Variants in CHN1 observed in about 807,000 individuals in gnomAD.
The protein encoded by CHN1 is N-chimaerin.
A neutral mutation model predicts 59.5 loss-of-function variants in CHN1; 37 were observed. That is an observed-to-expected ratio of 0.62 (90% CI 0.48 to 0.82). CHN1 has a LOEUF of 0.82. Among genes scored for constraint, CHN1 ranks in the 40% least tolerant of loss-of-function variants. The pLI is 0.00. For synonymous variants in CHN1, 206 were observed against 200.4 expected (o/e 1.03, Z -0.24); for missense variants, 469 against 571.0 (o/e 0.82, Z 1.82).
intron 1 of CHN1, among the ~76,000 whole-genome samples, chr2:174,988,467 ACT>A (rs1401558893): frequency 6.6e-6 from 1 of 151,996 alleles, no homozygotes; most frequent in African/African-American, 2.4e-5. Flanking sequence ...CAACTTCCCA[ACT>A]CTGTTTCAAT....
At chr2:174,949,888 T>C (rs1340932288) in intron 2 of CHN1, among the ~76,000 whole-genome samples, 2 of 152,176 alleles carry the variant, frequency 1.3e-5, no homozygotes, top group Non-Finnish European at 1.5e-5. Context: ...ATTTCTACTG[T>C]TAAAATGATT....
At chr2:174,838,460 A>C (rs1299755891) in intron 7 of CHN1, among the ~76,000 whole-genome samples, 2 of 152,196 alleles carry the variant, frequency 1.3e-5, no homozygotes, top group Admixed American at 6.5e-5. Context: ...AAAAAGATGA[A>C]GTATGATAGC....
At chr2:174,886,086 T>C (rs1233116769) in intron 5 of CHN1, among the ~76,000 whole-genome samples, 1 of 152,184 alleles carries the variant, frequency 6.6e-6, no homozygotes, top group East Asian at 1.9e-4. Context: ...ATGACAGAAG[T>C]CTACAAAAGC....
intron 1 of CHN1, among the ~76,000 whole-genome samples, chr2:174,985,092 T>C (rs2105454636): frequency 6.6e-6 from 1 of 152,330 alleles, no homozygotes; most frequent in South Asian, 2.1e-4. Flanking sequence ...ATGATGAGGC[T>C]GAGAAAAATC....
At chr2:174,956,771 C>CAA (rs34248216) in intron 1 of CHN1, among the ~76,000 whole-genome samples, 14 of 104,604 alleles carry the variant, frequency 1.3e-4, no homozygotes, top group Admixed American at 1.2e-3. Flanking sequence ...GACTCCATCT[C>CAA]AAAAAAAAAA....
intron 3 of CHN1, among the ~76,000 whole-genome samples, chr2:174,939,877 T>A (rs1558990160): frequency 6.6e-6 from 1 of 151,874 alleles, no homozygotes; most frequent in Admixed American, 6.6e-5. Context: ...GACAATCCCA[T>A]GAAACTCCTG....
intron 5 of CHN1, among the ~76,000 whole-genome samples, chr2:174,878,688 T>G (rs962256982): frequency 2.6e-5 from 4 of 152,264 alleles, no homozygotes; most frequent in Non-Finnish European, 4.4e-5. Flanking sequence ...ACACTTTCGC[T>G]ACTTCTGGCC....
intron 12 of CHN1, among the ~76,000 whole-genome samples, chr2:174,800,979 T>A (rs567249645): frequency 3.3e-5 from 5 of 152,222 alleles, no homozygotes; most frequent in Non-Finnish European, 5.9e-5. Flanking sequence ...GACTAAAATA[T>A]CATTTTTATA....
At chr2:174,846,778 A>AGTC in intron 7 of CHN1, 102 bp downstream of exon 7, 1 of 1,144,504 alleles carries the variant, frequency 8.7e-7, no homozygotes, top group South Asian at 1.8e-5. Flanking sequence ...AGAACATTTT[A>AGTC]GTCAAGTCAT....
intron 8 of CHN1, among the ~76,000 whole-genome samples, chr2:174,817,637 T>C (rs995076509): frequency 2.0e-5 from 3 of 149,402 alleles, no homozygotes; most frequent in African/African-American, 7.4e-5. Context: ...GATTTTTTTT[T>C]CTTTTTTTTT....
chr2:174,851,759 C>T (rs1246565062), intron 6 of CHN1, among the ~76,000 whole-genome samples: 1 of 152,120 alleles, frequency 6.6e-6, no homozygotes, highest in African/African-American at 2.4e-5. Flanking sequence ...CCAGAACAAT[C>T]AGACAAGAGA....
At chr2:174,917,075 C>G (rs1688868226) in intron 4 of CHN1, among the ~76,000 whole-genome samples, 1 of 152,058 alleles carries the variant, frequency 6.6e-6, no homozygotes, top group African/African-American at 2.4e-5. Context: ...TGCCTGTAGT[C>G]CCAGCTACTC....
rs572928286 is a variant in CHN1 at position 174,813,812 on chromosome 2, AG to A, written c.713-1331del. On this transcript the variant is annotated intron_variant, in intron 8 of 12. Transcript: ENST00000409900. ...ATTTGAAAATCATACAACGCCATTCAGTTTTGCTTGCTGTTTCTGGCAGAAA... is the reference window on the plus strand; with the variant it reads ...ATTTGAAAATCATACAACGCCATTCATTTTGCTTGCTGTTTCTGGCAGAAA... Among the ~76,000 whole-genome samples the A allele has an allele frequency of 8.5e-5, 13 of 152,324 alleles. No individual in the cohort carries two copies. The East Asian group carries it at 2.5e-3, about 29-fold the overall frequency.
intron 2 of CHN1, among the ~76,000 whole-genome samples, chr2:174,949,693 A>T (rs1240771640): frequency 6.6e-6 from 1 of 152,164 alleles, no homozygotes; most frequent in Non-Finnish European, 1.5e-5. Flanking sequence ...TCATTTGTTA[A>T]AATTTGCACA....
intron 11 of CHN1, among the ~76,000 whole-genome samples, chr2:174,803,476 C>A (rs764088065): frequency 2.0e-5 from 3 of 152,188 alleles, no homozygotes; most frequent in African/African-American, 7.2e-5. Context: ...CAATTTATAA[C>A]AGTAGTGCCA....
chr2:174,841,736 C>G (rs1013731881), intron 7 of CHN1, among the ~76,000 whole-genome samples: 1 of 151,936 alleles, frequency 6.6e-6, no homozygotes, highest in Non-Finnish European at 1.5e-5. Context: ...GAATAATTCA[C>G]ATTATTCCTT....
intron 7 of CHN1, among the ~76,000 whole-genome samples, chr2:174,843,554 T>C (rs906811690): frequency 6.6e-6 from 1 of 152,142 alleles, no homozygotes. Context: ...GCTATTCTTA[T>C]GCAACATCTA....
intron 6 of CHN1, among the ~76,000 whole-genome samples, chr2:174,849,439 C>T (rs1446937849): frequency 1.3e-5 from 2 of 152,158 alleles, no homozygotes; most frequent in Non-Finnish European, 1.5e-5. Context: ...ACAGCGTTGG[C>T]TACTCTCAAA....
intron 3 of CHN1, among the ~76,000 whole-genome samples, chr2:174,939,550 T>C (rs1047588250): frequency 1.3e-5 from 2 of 152,196 alleles, no homozygotes; most frequent in Non-Finnish European, 2.9e-5. Flanking sequence ...AGGAATAATA[T>C]AGCTATTTTT....
Sources: allele counts gnomAD v4.1 joint callset (sites outside exome capture counted in the v4.1 genomes callset), GRCh38; gene constraint gnomAD v4.1.1; transcripts MANE v1.5; gene names NCBI Gene and HGNC (gene_info 2026-07-23, HGNC 2026-07-21).